LRP1B: variants seen among roughly 807,000 people sequenced by gnomAD.
LRP1B encodes low-density lipoprotein receptor-related protein 1B.
LRP1B carries 217 observed loss-of-function variants against 556.6 expected under a neutral mutation model. That is an observed-to-expected ratio of 0.39 (90% CI 0.35 to 0.44). The LOEUF (loss-of-function observed/expected upper bound fraction) is 0.44, where lower values mean the gene tolerates loss of function less well. LRP1B is among the 20% of genes least tolerant of loss of function. The probability of loss-of-function intolerance (pLI) is 1.00; values close to 1 mark genes in which losing one functional copy is unlikely to be tolerated. For missense variants in LRP1B, 5,053 were observed against 5,620.8 expected (o/e 0.90, Z 3.23); for synonymous variants, 2,047 against 1,865.8 (o/e 1.10, Z -2.50).
intron 41 of LRP1B, among the ~76,000 whole-genome samples, chr2:140,681,636 GA>G (rs892332850): frequency 1.1e-4 from 17 of 151,782 alleles, no homozygotes; most frequent in South Asian, 4.2e-4. Flanking sequence ...ATAATTTAAC[GA>G]AAAAAAGACT....
At chr2:140,261,775 AG>A (rs1366753539) in intron 86 of LRP1B, among the ~76,000 whole-genome samples, 10 of 151,992 alleles carry the variant, frequency 6.6e-5, no homozygotes, top group Admixed American at 2.0e-4. Flanking sequence ...AATCTGCAAA[AG>A]TATATTTACA....
intron 3 of LRP1B, among the ~76,000 whole-genome samples, chr2:141,357,959 C>T (rs1351860752): frequency 1.3e-5 from 2 of 152,192 alleles, no homozygotes; most frequent in East Asian, 3.9e-4. Flanking sequence ...AAATGTATGA[C>T]TGTTGAGGAA....
chr2:140,403,139 T>C (rs1684580692), intron 66 of LRP1B, among the ~76,000 whole-genome samples: 1 of 151,894 alleles, frequency 6.6e-6, no homozygotes, highest in Non-Finnish European at 1.5e-5. Context: ...AATGGTCAAA[T>C]CAAAAATAAA....
At chr2:141,930,775 C>A (rs936368051) in intron 1 of LRP1B, among the ~76,000 whole-genome samples, 1 of 152,012 alleles carries the variant, frequency 6.6e-6, no homozygotes, top group Admixed American at 6.6e-5. Flanking sequence ...ATTTTCAAGG[C>A]CAAACTCTCA....
At chr2:140,301,924 TATATAC>T (rs1683849406) in intron 83 of LRP1B, among the ~76,000 whole-genome samples, 1 of 151,852 alleles carries the variant, frequency 6.6e-6, no homozygotes, top group Non-Finnish European at 1.5e-5. Context: ...TATATATACA[TATATAC>T]ATATACACAT....
chr2:140,292,257 G>C (rs529440678), intron 84 of LRP1B, among the ~76,000 whole-genome samples: 18 of 152,172 alleles, frequency 1.2e-4, no homozygotes, highest in East Asian at 3.9e-4. Flanking sequence ...GGTTGTGTGA[G>C]CATTTGTTGA....
intron 1 of LRP1B, among the ~76,000 whole-genome samples, chr2:141,867,246 G>A (rs1020774424): frequency 3.3e-5 from 5 of 151,986 alleles, no homozygotes; most frequent in Non-Finnish European, 5.9e-5. Flanking sequence ...AACTTATTTC[G>A]CATCTTTGAA....
At chr2:140,322,751 A>G (rs1680216278) in intron 81 of LRP1B, among the ~76,000 whole-genome samples, 1 of 151,860 alleles carries the variant, frequency 6.6e-6, no homozygotes, top group Non-Finnish European at 1.5e-5. Context: ...TTTCCTAGAG[A>G]TTATTTCATC....
chr2:141,438,307 T>A (rs1222620945), intron 3 of LRP1B, among the ~76,000 whole-genome samples: 1 of 152,094 alleles, frequency 6.6e-6, no homozygotes, highest in African/African-American at 2.4e-5. Context: ...GTAATGTGTG[T>A]GTGTTTGAAA....
At chr2:142,029,201 G>A (rs766953457) in intron 1 of LRP1B, among the ~76,000 whole-genome samples, 1 of 151,800 alleles carries the variant, frequency 6.6e-6, no homozygotes, top group Non-Finnish European at 1.5e-5. Context: ...TCTTAAGAGG[G>A]TAAGACCTAG....
chr2:142,094,393 G>A (rs983794453), intron 1 of LRP1B, among the ~76,000 whole-genome samples: 8 of 152,004 alleles, frequency 5.3e-5, no homozygotes, highest in African/African-American at 1.9e-4. Flanking sequence ...AGACGGTAAT[G>A]GATTATGCAA....
intron 23 of LRP1B, among the ~76,000 whole-genome samples, chr2:140,893,939 G>T (rs1001882599): frequency 6.6e-6 from 1 of 152,162 alleles, no homozygotes; most frequent in African/African-American, 2.4e-5. Context: ...GAAACATCAG[G>T]GTGGAGAGGG....
intron 7 of LRP1B, among the ~76,000 whole-genome samples, chr2:141,136,433 CAA>C (rs1351427671): frequency 5.9e-5 from 9 of 151,738 alleles, no homozygotes; most frequent in African/African-American, 1.9e-4. Flanking sequence ...TTAATCTATA[CAA>C]ACAAACTTTT....
intron 32 of LRP1B, among the ~76,000 whole-genome samples, chr2:140,781,871 T>C (rs914820896): frequency 5.9e-5 from 9 of 152,332 alleles, no homozygotes; most frequent in African/African-American, 1.9e-4. Context: ...TTGTATTTAA[T>C]GGTTGCTTTT....
At chr2:140,810,805 C>T (rs181151773) in intron 32 of LRP1B, among the ~76,000 whole-genome samples, 50 of 152,228 alleles carry the variant, frequency 3.3e-4, no homozygotes, top group Non-Finnish European at 6.9e-4. Context: ...GGTGCAATCT[C>T]GGCTCACTGC....
At chr2:141,979,949 T>C (rs1306931699) in intron 1 of LRP1B, among the ~76,000 whole-genome samples, 1 of 152,158 alleles carries the variant, frequency 6.6e-6, no homozygotes, top group African/African-American at 2.4e-5. Context: ...CTCTGTCATG[T>C]CTGTTCTCAC....
chr2:141,194,144 C>T (rs1242217546), intron 6 of LRP1B, among the ~76,000 whole-genome samples: 1 of 152,120 alleles, frequency 6.6e-6, no homozygotes, highest in Non-Finnish European at 1.5e-5. Context: ...ATTTCAACCT[C>T]TTCCATTCTA....
rs142073492 is a variant in LRP1B, at chr2:141,346,641, G to A, written c.344-92000C>T. Among the ~76,000 whole-genome samples, 3 of 152,184 alleles carry A rather than the reference G, an allele frequency of 2.0e-5. 1 individual carries two copies. Among genetic ancestry groups the A allele is most frequent in the East Asian group, 3.9e-4 (2 of 5,172 alleles). On this transcript the variant is annotated intron_variant, in intron 3 of 90. Transcript: ENST00000389484. ...CTTGTCACAGAATATGACCCTTGAC[G>A]GTTGGGGCAACTGAGGAGCAATTCA...
chr2:140,798,454 C>T (rs1690393307), intron 32 of LRP1B, among the ~76,000 whole-genome samples: 1 of 151,966 alleles, frequency 6.6e-6, no homozygotes, highest in South Asian at 2.1e-4. Flanking sequence ...ACACCAAATG[C>T]TCTCTTTCAT....
Sources: allele counts gnomAD v4.1 joint callset (sites outside exome capture counted in the v4.1 genomes callset), GRCh38; gene constraint gnomAD v4.1.1; transcripts MANE v1.5; gene names NCBI Gene and HGNC (gene_info 2026-07-23, HGNC 2026-07-21).